Variants in PARD3B observed in about 807,000 individuals in gnomAD.
The protein encoded by PARD3B is par-3 family cell polarity regulator beta.
In PARD3B, 103 loss-of-function variants were observed where a neutral mutation model predicts 130.2. The ratio of observed to expected loss-of-function variants is 0.79; its 90% CI spans 0.67 to 0.93. The LOEUF (loss-of-function observed/expected upper bound fraction) is 0.93, where lower values mean the gene tolerates loss of function less well. Among genes scored for constraint, PARD3B ranks in the 40% least tolerant of loss-of-function variants. The pLI is 0.00. For synonymous variants in PARD3B, 583 were observed against 553.2 expected, an observed-to-expected ratio of 1.05 and a Z score of -0.76; for missense variants, 1,609 against 1,499.2, an observed-to-expected ratio of 1.07 and a Z score of -1.21.
intron 1 of PARD3B, among the ~76,000 whole-genome samples, chr2:204,674,710 T>C (rs1355332393): frequency 6.6e-6 from 1 of 152,204 alleles, no homozygotes; most frequent in Non-Finnish European, 1.5e-5. Context: ...CATAAAACTG[T>C]GTTCAAGTGA....
chr2:205,049,813 G>T (rs987767357), intron 4 of PARD3B, among the ~76,000 whole-genome samples: 1 of 152,158 alleles, frequency 6.6e-6, no homozygotes, highest in African/African-American at 2.4e-5. Context: ...GATCAAATAT[G>T]GGCTGAGTCC....
chr2:205,559,404 C>T (rs984812409), intron 22 of PARD3B, among the ~76,000 whole-genome samples: 1 of 152,084 alleles, frequency 6.6e-6, no homozygotes, highest in Non-Finnish European at 1.5e-5. Context: ...CCTCAGCCTC[C>T]CAAAGTGCCG....
At chr2:205,346,343 T>C (rs2043789368) in intron 18 of PARD3B, among the ~76,000 whole-genome samples, 1 of 152,150 alleles carries the variant, frequency 6.6e-6, no homozygotes, top group African/African-American at 2.4e-5. Flanking sequence ...CTCCAGCTTG[T>C]CATAGTCTCT....
At chr2:205,355,718 G>T (rs2044166359) in intron 18 of PARD3B, among the ~76,000 whole-genome samples, 2 of 152,120 alleles carry the variant, frequency 1.3e-5, no homozygotes, top group African/African-American at 2.4e-5. Flanking sequence ...CCCAAGACTG[G>T]GTAATTTATA....
chr2:205,433,860 C>T (rs1197463755), intron 19 of PARD3B, among the ~76,000 whole-genome samples: 4 of 152,178 alleles, frequency 2.6e-5, no homozygotes, highest in Admixed American at 1.3e-4. Flanking sequence ...GCTGATTTAT[C>T]TTCTGTTGTG....
chr2:205,595,928 A>G (rs2054553501), intron 22 of PARD3B, among the ~76,000 whole-genome samples: 1 of 93,812 alleles, frequency 1.1e-5, no homozygotes, highest in African/African-American at 3.1e-5. Flanking sequence ...ATTTGAGACA[A>G]AAAAAAAAGA....
intron 1 of PARD3B, among the ~76,000 whole-genome samples, chr2:204,657,706 A>G (rs1225298156): frequency 1.3e-5 from 2 of 152,190 alleles, no homozygotes; most frequent in African/African-American, 4.8e-5. Flanking sequence ...ACCTATGAAT[A>G]TTTGAATATT....
rs149396176 is a variant in PARD3B at position 205,298,188 on chromosome 2, C to G, written c.2186-2342C>G. On this transcript the variant is annotated intron_variant, in intron 16 of 22. Transcript: ENST00000406610. ...ATGGTTACTATTGCTGACAGAGAATCAGGGCTTTCTCAGATAGTTTTCATC... is the reference window on the plus strand; with the variant it reads ...ATGGTTACTATTGCTGACAGAGAATGAGGGCTTTCTCAGATAGTTTTCATC... Among the ~76,000 whole-genome samples the G allele has an allele frequency of 7.2e-3, 1,100 of 152,284 alleles. 10 individuals are homozygous for G. Among genetic ancestry groups the G allele is most frequent in the African/African-American group, 0.025 (1,030 of 41,568 alleles).
chr2:204,734,381 G>T lies in PARD3B; in HGVS notation c.222+48099G>T, dbSNP rs1250707434. On this transcript the variant is annotated intron_variant, in intron 2 of 22. Coordinates refer to ENST00000406610, the MANE Select transcript of PARD3B (RefSeq NM_001302769.2). ...TGACATTTTCATAAGTTAAACCTGT[G>T]CTTAGCCATTGTGTTCTTAAGTATC... 3.3e-5 allele frequency among the ~76,000 whole-genome samples: 5 copies of T among 152,154 alleles called. No homozygotes were observed. The East Asian group carries it at 9.6e-4, about 29-fold the overall frequency.
chr2:204,990,076 G>A lies in PARD3B; in HGVS notation c.394+24753G>A, dbSNP rs141124231. 2.6e-5 allele frequency among the ~76,000 whole-genome samples: 4 copies of A among 152,098 alleles called. No homozygotes were observed. The East Asian group carries it at 7.7e-4, about 29-fold the overall frequency. On this transcript the variant is annotated intron_variant, in intron 3 of 22. Coordinates refer to ENST00000406610, the MANE Select transcript of PARD3B (RefSeq NM_001302769.2). ...TAGAATTCCAGTTTTTACATGGTCAGCAAAACAATATAGCTAGATTTTAAA... is the reference window on the plus strand; with the variant it reads ...TAGAATTCCAGTTTTTACATGGTCAACAAAACAATATAGCTAGATTTTAAA...
intron 16 of PARD3B, among the ~76,000 whole-genome samples, chr2:205,248,991 T>C (rs2125925293): frequency 6.7e-6 from 1 of 149,796 alleles, no homozygotes; most frequent in East Asian, 2.0e-4. Flanking sequence ...TCAGAATATT[T>C]AGGTTAAAAT....
Position 205,160,274 on chromosome 2 carries a change from T to C in PARD3B, c.1620+1367T>C, listed in dbSNP as rs1018148054. 1.3e-5 allele frequency among the ~76,000 whole-genome samples: 2 copies of C among 152,254 alleles called. No individual in the cohort carries two copies. Among genetic ancestry groups the C allele is most frequent in the South Asian group, 4.1e-4 (2 of 4,820 alleles). On this transcript the variant is annotated intron_variant, in intron 11 of 22. Transcript: ENST00000406610. The surrounding 1 kb of genome is among the most constrained non-coding windows in gnomAD (Gnocchi z 4.0). ...TAGCTCTGTGTGGGGGAGCTGGGGTTTGGGTAGGATTCTGATTCAGGCTGG... is the reference window on the plus strand; with the variant it reads ...TAGCTCTGTGTGGGGGAGCTGGGGTCTGGGTAGGATTCTGATTCAGGCTGG...
chr2:205,503,335 T>G (rs2050228506), intron 21 of PARD3B, among the ~76,000 whole-genome samples: 1 of 151,960 alleles, frequency 6.6e-6, no homozygotes, highest in African/African-American at 2.4e-5. Flanking sequence ...GGAGACAGAG[T>G]GCTAGGAAAA....
chr2:204,897,525 CG>C, intron 2 of PARD3B, among the ~76,000 whole-genome samples: 1 of 151,246 alleles, frequency 6.6e-6, no homozygotes, highest in East Asian at 1.9e-4. Flanking sequence ...TGTAGAATTG[CG>C]TATGGTTATA....
At chr2:204,771,535 G>T (rs555435343) in intron 2 of PARD3B, among the ~76,000 whole-genome samples, 1 of 152,028 alleles carries the variant, frequency 6.6e-6, no homozygotes, top group African/African-American at 2.4e-5. Flanking sequence ...AGGGAAGGAG[G>T]GGGGCAAGGG....
intron 1 of PARD3B, among the ~76,000 whole-genome samples, chr2:204,563,007 G>A (rs1451550133): frequency 1.3e-5 from 2 of 152,094 alleles, no homozygotes; most frequent in African/African-American, 4.8e-5. Context: ...ACCACAAACT[G>A]GGTGGTTTAA....
chr2:205,234,581 A>C (rs2038980053), intron 15 of PARD3B, among the ~76,000 whole-genome samples: 1 of 152,244 alleles, frequency 6.6e-6, no homozygotes. Context: ...AGGCAAATCC[A>C]AAGTTATAGT....
chr2:204,679,331 C>T (rs765408962), intron 1 of PARD3B, among the ~76,000 whole-genome samples: 2 of 151,976 alleles, frequency 1.3e-5, no homozygotes, highest in African/African-American at 4.8e-5. Flanking sequence ...AGATGTATAC[C>T]CAGAAGTGGA....
At chr2:205,588,598 A>G (rs1216152401) in intron 22 of PARD3B, among the ~76,000 whole-genome samples, 1 of 152,196 alleles carries the variant, frequency 6.6e-6, no homozygotes, top group Non-Finnish European at 1.5e-5. Flanking sequence ...AAATGAATCA[A>G]TGAATAAAGT....
Sources: allele counts gnomAD v4.1 joint callset (sites outside exome capture counted in the v4.1 genomes callset), GRCh38; gene constraint gnomAD v4.1.1; non-coding constraint Gnocchi (gnomAD v3.1); transcripts MANE v1.5; gene names NCBI Gene and HGNC (gene_info 2026-07-23, HGNC 2026-07-21).